DPP10: variants seen among roughly 807,000 people sequenced by gnomAD.
The protein encoded by DPP10 is inactive dipeptidyl peptidase 10.
Under a neutral mutation model 120.9 loss-of-function variants are expected in DPP10, and 33 were observed. The observed-to-expected ratio is 0.27, with a 90% CI of 0.21 to 0.37. The LOEUF is 0.37. Ranked by LOEUF, DPP10 falls within the 10% of genes least tolerant of loss-of-function variation. The probability of loss-of-function intolerance (pLI) is 1.00; values close to 1 mark genes in which losing one functional copy is unlikely to be tolerated. For missense variants in DPP10, 816 were observed against 942.8 expected, an observed-to-expected ratio of 0.87 and a Z score of 1.76; for synonymous variants, 337 against 326.1, an observed-to-expected ratio of 1.03 and a Z score of -0.36.
intron 5 of DPP10, chr2:115,580,233 T>G (rs1468902670): frequency 1.3e-5 from 2 of 152,220 alleles, no homozygotes; most frequent in South Asian, 2.1e-4. Flanking sequence ...GTATTGGTAC[T>G]TTGTCCCAGC....
At chr2:115,081,437 A>ATTTCT (rs1708266130) in intron 1 of DPP10, among the ~76,000 whole-genome samples, 1 of 152,078 alleles carries the variant, frequency 6.6e-6, no homozygotes, top group Non-Finnish European at 1.5e-5. Context: ...AATTTCTATG[A>ATTTCT]TATATTTTTC....
At chr2:115,480,491 G>T (rs577622519) in intron 3 of DPP10, among the ~76,000 whole-genome samples, 2 of 152,006 alleles carry the variant, frequency 1.3e-5, no homozygotes, top group Non-Finnish European at 2.9e-5. Flanking sequence ...TTCTATTGTT[G>T]CTTGTTGGTT....
Position 115,335,827 on chromosome 2 carries a change from A to G in DPP10, c.176-7990A>G, listed in dbSNP as rs531396630. 2.6e-5 allele frequency among the ~76,000 whole-genome samples: 4 copies of G among 152,196 alleles called. No homozygotes were observed. The South Asian group carries it at 8.3e-4, about 32-fold the overall frequency. On this transcript the variant is annotated intron_variant, in intron 2 of 25. Coordinates refer to ENST00000410059, the MANE Select transcript of DPP10 (RefSeq NM_020868.6). ...ATGGAAAATGAAGAATACGATTAAG[A>G]GTAAATATTTAAACTACAGCCCTGG...
intron 1 of DPP10, among the ~76,000 whole-genome samples, chr2:114,673,777 T>C (rs1429391263): frequency 6.6e-6 from 1 of 152,182 alleles, no homozygotes; most frequent in Non-Finnish European, 1.5e-5. Flanking sequence ...TTCATATATA[T>C]AACATTTTCT....
At chr2:115,589,897 T>C (rs2082524530) in intron 5 of DPP10, among the ~76,000 whole-genome samples, 1 of 152,162 alleles carries the variant, frequency 6.6e-6, no homozygotes, top group African/African-American at 2.4e-5. Flanking sequence ...CATATCGGTA[T>C]CTATACTTTC....
intron 1 of DPP10, chr2:115,144,306 C>CG (rs1278927774): frequency 1.3e-5 from 2 of 152,056 alleles, no homozygotes; most frequent in African/African-American, 2.4e-5. Context: ...TTGCTCTCCA[C>CG]GGGGAAATGT....
At chr2:114,482,747 T>C (rs1026071232) in intron 1 of DPP10, among the ~76,000 whole-genome samples, 2 of 152,194 alleles carry the variant, frequency 1.3e-5, no homozygotes, top group Admixed American at 1.3e-4. Context: ...AGCTTTATTT[T>C]GTCAGAGATT....
At chr2:114,597,546 G>C (rs947395363) in intron 1 of DPP10, among the ~76,000 whole-genome samples, 10 of 151,876 alleles carry the variant, frequency 6.6e-5, no homozygotes, top group East Asian at 1.9e-4. Flanking sequence ...AGAAATGAAG[G>C]CTGCGGCTAT....
intron 1 of DPP10, among the ~76,000 whole-genome samples, chr2:114,872,833 A>T: frequency 6.6e-6 from 1 of 152,212 alleles, no homozygotes; most frequent in East Asian, 1.9e-4. Flanking sequence ...AAGACTGCCA[A>T]CAAAAAGAAA....
intron 3 of DPP10, among the ~76,000 whole-genome samples, chr2:115,465,398 G>C (rs1461229065): frequency 6.6e-6 from 1 of 152,186 alleles, no homozygotes; most frequent in African/African-American, 2.4e-5. Context: ...ACTGAGGAAG[G>C]AGAACTACTG....
intron 1 of DPP10, among the ~76,000 whole-genome samples, chr2:114,507,295 T>G (rs766796933): frequency 2.1e-4 from 32 of 152,156 alleles, no homozygotes; most frequent in Non-Finnish European, 2.8e-4. Context: ...GCCATCCACA[T>G]GCCTCAGCCT....
intron 2 of DPP10, among the ~76,000 whole-genome samples, chr2:115,324,365 A>C (rs2106122374): frequency 6.6e-6 from 1 of 152,308 alleles, no homozygotes; most frequent in African/African-American, 2.4e-5. Context: ...AGCCACCTTC[A>C]TCAACGATCC....
intron 1 of DPP10, among the ~76,000 whole-genome samples, chr2:114,883,925 C>A (rs1691849356): frequency 6.6e-6 from 1 of 152,138 alleles, no homozygotes; most frequent in Non-Finnish European, 1.5e-5. Context: ...TAAAACAAAA[C>A]CAAGAATTTT....
At chr2:115,561,928 T>C (rs903179790) in intron 5 of DPP10, among the ~76,000 whole-genome samples, 4 of 152,200 alleles carry the variant, frequency 2.6e-5, no homozygotes, top group African/African-American at 9.7e-5. Context: ...AACTGTCCTA[T>C]ATCTTTGAAG....
chr2:114,618,701 T>C lies in DPP10; in HGVS notation c.60+175863T>C, dbSNP rs1693858532. ...ATCAGTAAGTTGGTAACATGTGAAC[T>C]GAAGCCTTACATGGAAGACTACATT... On this transcript the variant is annotated intron_variant, in intron 1 of 25. Transcript: ENST00000410059. Among the ~76,000 whole-genome samples, 2 of 152,204 alleles carry C rather than the reference T, an allele frequency of 1.3e-5. 1 individual carries two copies. Among genetic ancestry groups the C allele is most frequent in the Non-Finnish European group, 2.9e-5 (2 of 67,994 alleles).
At chr2:115,494,349 A>T (rs1461682775) in intron 3 of DPP10, among the ~76,000 whole-genome samples, 2 of 152,162 alleles carry the variant, frequency 1.3e-5, no homozygotes, top group African/African-American at 4.8e-5. Flanking sequence ...CGAAGGAGAA[A>T]GTTCATCTCT....
chr2:114,953,852 A>C (rs1260797538), intron 1 of DPP10, among the ~76,000 whole-genome samples: 1 of 152,120 alleles, frequency 6.6e-6, no homozygotes, highest in Non-Finnish European at 1.5e-5. Flanking sequence ...TTTTGAGTTT[A>C]TAATAAATAC....
intron 3 of DPP10, among the ~76,000 whole-genome samples, chr2:115,465,882 G>C (rs1480729350): frequency 6.6e-6 from 1 of 152,060 alleles, no homozygotes; most frequent in Non-Finnish European, 1.5e-5. Context: ...TCATTTAGTT[G>C]ATAAATCTAC....
At chr2:114,872,336 A>G (rs1328819773) in intron 1 of DPP10, among the ~76,000 whole-genome samples, 1 of 152,090 alleles carries the variant, frequency 6.6e-6, no homozygotes, top group African/African-American at 2.4e-5. Context: ...AAACTCACTC[A>G]CTATCACAAG....
Sources: gnomAD v4.1 joint callset for allele counts (sites outside exome capture counted in the v4.1 genomes callset) on GRCh38, gnomAD v4.1.1 for gene constraint, MANE v1.5 for transcripts, NCBI Gene and HGNC (gene_info 2026-07-23, HGNC 2026-07-21) for gene names.